The following PCNX1 variants were observed in gnomAD, a reference collection of about 807,000 sequenced individuals.
PCNX1 encodes pecanex-like protein 1.
A neutral mutation model predicts 242.2 loss-of-function variants in PCNX1; 78 were observed. The ratio of observed to expected loss-of-function variants is 0.32; its 90% confidence interval spans 0.27 to 0.39. The LOEUF is 0.39. Among genes scored for constraint, PCNX1 ranks in the 10% least tolerant of loss-of-function variants. The pLI, the probability that PCNX1 is intolerant of heterozygous loss-of-function variation, is 1.00. For missense variants in PCNX1, 2,581 were observed against 2,856.5 expected, an observed-to-expected ratio of 0.90 and a Z score of 2.20; for synonymous variants, 1,024 against 1,032.9, an observed-to-expected ratio of 0.99 and a Z score of 0.17.
Position 71,012,984 on chromosome 14 carries a change from G to A in PCNX1, c.2779-1G>A. The A allele has an allele frequency of 6.2e-7, 1 of 1,605,600 alleles. No homozygotes were observed. The highest frequency in any genetic ancestry group is 2.2e-5 in the East Asian group (1 of 44,824). On this transcript the variant is annotated splice_acceptor_variant, in intron 10 of 35. Coordinates refer to ENST00000304743, the MANE Select transcript of PCNX1 (RefSeq NM_014982.3). LOFTEE classifies it high-confidence loss of function. ...GCCTTTCAATGCTGACTTTCTTTTA[G>A]CTCTCTCTCCCACAGATTCGATTGA...
At chr14:71,081,276 T>G (rs1167557670) in intron 28 of PCNX1, among the ~76,000 whole-genome samples, 2 of 152,210 alleles carry the variant, frequency 1.3e-5, no homozygotes, top group Admixed American at 6.5e-5. Context: ...TCTGCCAGTA[T>G]CTTATTGAGG....
chr14:71,086,297 G>C (rs1227363832), intron 28 of PCNX1, among the ~76,000 whole-genome samples: 1 of 152,150 alleles, frequency 6.6e-6, no homozygotes, highest in Non-Finnish European at 1.5e-5. Context: ...AATGTCAGTT[G>C]TGGGTCAGTT....
intron 1 of PCNX1, among the ~76,000 whole-genome samples, chr14:70,937,038 T>TACCATC (rs200491645): frequency 6.6e-6 from 1 of 151,498 alleles, no homozygotes. Flanking sequence ...TATTAGCCCT[T>TACCATC]TGTCAGATGG....
intron 28 of PCNX1, among the ~76,000 whole-genome samples, chr14:71,079,361 A>AT (rs1240669846): frequency 6.6e-6 from 1 of 152,214 alleles, no homozygotes. Context: ...GTGTATACCC[A>AT]AAATGGGATT....
chr14:71,075,407 T>G (rs951439533), intron 27 of PCNX1, among the ~76,000 whole-genome samples: 1 of 152,226 alleles, frequency 6.6e-6, no homozygotes, highest in African/African-American at 2.4e-5. Flanking sequence ...AGCTAGAGAT[T>G]GATTTCACAA....
chr14:71,032,065 A>G (rs898616243), intron 16 of PCNX1: 29 of 542,986 alleles, frequency 5.3e-5, no homozygotes, highest in Non-Finnish European at 9.0e-5. Context: ...ACAAAGAAGA[A>G]GAGAGAGAGA....
chr14:70,948,753 ATG>A (rs1566606270), intron 2 of PCNX1, among the ~76,000 whole-genome samples: 2 of 149,036 alleles, frequency 1.3e-5, no homozygotes, highest in African/African-American at 4.9e-5. Flanking sequence ...ATGTACATAT[ATG>A]TACATATACA....
At chr14:71,038,628 T>C (rs978181064) in intron 19 of PCNX1, among the ~76,000 whole-genome samples, 1 of 150,850 alleles carries the variant, frequency 6.6e-6, no homozygotes, top group Non-Finnish European at 1.5e-5. Flanking sequence ...TTGGTGGGAC[T>C]GTAAACTAGT....
At chr14:70,921,245 C>T (rs919814318) in intron 1 of PCNX1, among the ~76,000 whole-genome samples, 2 of 152,142 alleles carry the variant, frequency 1.3e-5, no homozygotes, top group Non-Finnish European at 2.9e-5. Flanking sequence ...GTAATTTCCA[C>T]AAGCCTCACA....
intron 2 of PCNX1, among the ~76,000 whole-genome samples, chr14:70,957,356 A>G (rs996208935): frequency 6.6e-6 from 1 of 152,176 alleles, no homozygotes; most frequent in African/African-American, 2.4e-5. Context: ...ATCAAAAGTG[A>G]TGTATAAAAC....
At chr14:70,990,554 G>T (rs1431073727) in intron 7 of PCNX1, among the ~76,000 whole-genome samples, 1 of 139,806 alleles carries the variant, frequency 7.2e-6, no homozygotes, top group Non-Finnish European at 1.5e-5. Flanking sequence ...GACAGAGGGA[G>T]ACTCCATCTC....
chr14:71,105,218 C>G lies in PCNX1; in HGVS notation c.6096-17C>G. ...TGATCTTGGAATAATGCTTCCTACTCTGGTATTTGTTCCTAGGCTTAGGAA... is the reference window on the plus strand; with the variant it reads ...TGATCTTGGAATAATGCTTCCTACTGTGGTATTTGTTCCTAGGCTTAGGAA... On this transcript the variant is annotated splice_polypyrimidine_tract_variant and intron_variant, in intron 32 of 35. Coordinates refer to ENST00000304743, the MANE Select transcript of PCNX1 (RefSeq NM_014982.3). 3 of 1,592,162 alleles carry G rather than the reference C, an allele frequency of 1.9e-6. No homozygotes were observed. The highest frequency in any genetic ancestry group is 2.6e-6 in the Non-Finnish European group (3 of 1,160,256).
intron 2 of PCNX1, among the ~76,000 whole-genome samples, chr14:70,947,961 A>C (rs1437267546): frequency 1.3e-5 from 2 of 152,144 alleles, no homozygotes; most frequent in African/African-American, 4.8e-5. Context: ...AGGGGATGAA[A>C]TATGCCCTGG....
intron 15 of PCNX1, 177 bp downstream of exon 15, chr14:71,027,059 G>A: frequency 4.4e-6 from 2 of 457,632 alleles, no homozygotes; most frequent in South Asian, 7.5e-5. Context: ...GGAAAAAATA[G>A]TCAAGTCTGC....
rs1595517167 is a variant in PCNX1, at chr14:71,105,408, A to C, written c.6269A>C (p.His2090Pro). 1 of 1,614,034 alleles carries C rather than the reference A, an allele frequency of 6.2e-7. No homozygotes were observed. The highest frequency in any genetic ancestry group is 8.5e-7 in the Non-Finnish European group (1 of 1,179,930). ...NPGQGSGTGL[H>P]PPVTSYPPTL... ...GGGCAGGGATCAGGAACTGGACTCC[A>C]CCCACCTGTCACATCTTATCCTCCA... Residue 2090 changes from histidine (H) to proline (P), a missense_variant, in exon 33 of 36, where the codon CAC (histidine) becomes CCC (proline). Physicochemically the swap from His to Pro is moderately conservative, Grantham distance 77. This residue lies in a region of PCNX1 where 432 missense variants were observed against 433.6 expected (regional missense o/e 1.00). Coordinates refer to ENST00000304743, the MANE Select transcript of PCNX1 (RefSeq NM_014982.3).
rs558448204 is a variant in PCNX1, at chr14:71,026,934, A to G, written c.3466+52A>G. Reference sequence around the variant, plus strand: ...GATTACAGTATTACCTTTATAGATCATGAAGTAATAAACTGACCATTAAAA... The same window carrying G: ...GATTACAGTATTACCTTTATAGATCGTGAAGTAATAAACTGACCATTAAAA... On this transcript the variant is annotated intron_variant, in intron 15 of 35. Transcript: ENST00000304743. The G allele has an allele frequency of 3.0e-5, 24 of 792,530 alleles. No individual in the cohort carries two copies. In the East Asian group the frequency reaches 4.4e-4, roughly 15 times the overall value. 49.1% of individuals were successfully genotyped at this position (792,530 alleles called of 1,614,324 possible).
intron 12 of PCNX1, among the ~76,000 whole-genome samples, chr14:71,019,757 A>G (rs1168543625): frequency 6.6e-6 from 1 of 151,568 alleles, no homozygotes; most frequent in African/African-American, 2.4e-5. Context: ...TTTTAATAGT[A>G]GTAGTTTTTT....
At chr14:71,082,136 A>G (rs2061869634) in intron 28 of PCNX1, among the ~76,000 whole-genome samples, 1 of 152,132 alleles carries the variant, frequency 6.6e-6, no homozygotes, top group Non-Finnish European at 1.5e-5. Flanking sequence ...ATTCAGGGGC[A>G]GGTTTTTCAG....
chr14:70,937,319 A>C (rs920387006), intron 1 of PCNX1, among the ~76,000 whole-genome samples: 3 of 152,202 alleles, frequency 2.0e-5, no homozygotes, highest in African/African-American at 7.2e-5. Flanking sequence ...TATAAGGTAT[A>C]AGAAAGGGAT....
Sources: allele counts gnomAD v4.1 joint callset (sites outside exome capture counted in the v4.1 genomes callset), GRCh38; gene constraint gnomAD v4.1.1; regional missense constraint gnomAD v4.1.1; transcripts MANE v1.5; gene names NCBI Gene and HGNC (gene_info 2026-07-23, HGNC 2026-07-21).